TMEM232: variants seen among roughly 807,000 people sequenced by gnomAD.
TMEM232 encodes transmembrane protein 232.
TMEM232 carries 80 observed loss-of-function variants against 78.8 expected under a neutral mutation model. The observed-to-expected ratio is 1.01, with a 90% CI of 0.85 to 1.22. TMEM232 has a LOEUF of 1.22. Among genes scored for constraint, TMEM232 ranks in the 50% most tolerant of loss-of-function variants. The pLI is 0.00. For synonymous variants in TMEM232, 297 were observed against 254.3 expected (o/e 1.17, Z -1.60); for missense variants, 881 against 742.2 (o/e 1.19, Z -2.17).
At chr5:110,567,196 T>A (rs1347671749) in intron 11 of TMEM232, among the ~76,000 whole-genome samples, 3 of 151,884 alleles carry the variant, frequency 2.0e-5, no homozygotes, top group Non-Finnish European at 4.4e-5. Context: ...AGCCAAACCA[T>A]ATCATTTATC....
At chr5:110,466,494 T>G (rs1180364594) in intron 12 of TMEM232, among the ~76,000 whole-genome samples, 1 of 152,198 alleles carries the variant, frequency 6.6e-6, no homozygotes, top group Non-Finnish European at 1.5e-5. Flanking sequence ...TTTCCATGAG[T>G]TTATTTACTC....
intron 10 of TMEM232, among the ~76,000 whole-genome samples, chr5:110,592,667 A>T (rs190543874): frequency 6.6e-6 from 1 of 152,292 alleles, no homozygotes. Flanking sequence ...ATGAAAACAA[A>T]AACAAAAACA....
intron 1 of TMEM232, among the ~76,000 whole-genome samples, chr5:110,690,772 C>T (rs1794022206): frequency 6.6e-6 from 1 of 152,182 alleles, no homozygotes; most frequent in Non-Finnish European, 1.5e-5. Context: ...AGCACATATA[C>T]ACCATGGAAT....
At chr5:110,394,483 G>T (rs1755316464) in intron 3 of TMEM232, among the ~76,000 whole-genome samples, 1 of 152,086 alleles carries the variant, frequency 6.6e-6, no homozygotes, top group Non-Finnish European at 1.5e-5. Context: ...ATAGAATTCT[G>T]TTTTTAGTTT....
intron 2 of TMEM232, among the ~76,000 whole-genome samples, chr5:110,657,673 T>C (rs115246995): frequency 0.012 from 1,785 of 152,232 alleles, 45 homozygotes; most frequent in African/African-American, 0.04. Flanking sequence ...GTTTTCGTGT[T>C]CTATTACACA....
intron 11 of TMEM232, 48 bp from the exon 12 acceptor site, chr5:110,528,883 G>A: frequency 8.0e-7 from 1 of 1,257,342 alleles, no homozygotes; most frequent in Admixed American, 4.1e-5. Flanking sequence ...GATTAAATGG[G>A]AGAAAAAAAA....
chr5:110,446,640 A>C (rs1759678575), intron 12 of TMEM232, among the ~76,000 whole-genome samples: 2 of 152,140 alleles, frequency 1.3e-5, no homozygotes, highest in Non-Finnish European at 2.9e-5. Context: ...TAAACCACTA[A>C]GAATCCCTAA....
At chr5:110,438,519 G>A (rs573065461) in intron 12 of TMEM232, among the ~76,000 whole-genome samples, 3 of 151,838 alleles carry the variant, frequency 2.0e-5, no homozygotes, top group East Asian at 1.9e-4. Flanking sequence ...CTAATGTCAC[G>A]CTACTTTCTA....
chr5:110,618,830 C>T (rs1783270471), intron 7 of TMEM232, among the ~76,000 whole-genome samples: 1 of 152,100 alleles, frequency 6.6e-6, no homozygotes, highest in Non-Finnish European at 1.5e-5. Flanking sequence ...TTCTGGATCA[C>T]ATAAGGGATA....
chr5:110,704,589 G>C (rs1332384601), intron 1 of TMEM232, among the ~76,000 whole-genome samples: 1 of 151,858 alleles, frequency 6.6e-6, no homozygotes, highest in East Asian at 1.9e-4. Flanking sequence ...CTCTTACTAG[G>C]AAACCACTAA....
chr5:110,517,192 C>G (rs1487411869), intron 12 of TMEM232, among the ~76,000 whole-genome samples: 2 of 152,116 alleles, frequency 1.3e-5, no homozygotes, highest in Non-Finnish European at 2.9e-5. Flanking sequence ...TAAATTATGT[C>G]TTTGTATTTA....
At chr5:110,526,669 T>C (rs963667203) in intron 12 of TMEM232, among the ~76,000 whole-genome samples, 9 of 151,938 alleles carry the variant, frequency 5.9e-5, no homozygotes, top group African/African-American at 2.2e-4. Context: ...TACAAAGGCA[T>C]ATATACTTTG....
At chr5:110,458,459 G>C (rs1055804953) in intron 12 of TMEM232, among the ~76,000 whole-genome samples, 3 of 152,140 alleles carry the variant, frequency 2.0e-5, no homozygotes, top group Non-Finnish European at 2.9e-5. Context: ...CAGGAGTGCA[G>C]CCTGACACAA....
intron 1 of TMEM232, 21 bp from the exon 2 acceptor site, chr5:110,667,385 A>T (rs1790730362): frequency 1.4e-6 from 2 of 1,469,862 alleles, no homozygotes; most frequent in South Asian, 1.4e-5. Context: ...TATTAAATGT[A>T]TGTTAGCATA....
At chr5:110,539,906 T>A (rs1157938898) in intron 11 of TMEM232, among the ~76,000 whole-genome samples, 1 of 152,124 alleles carries the variant, frequency 6.6e-6, no homozygotes, top group East Asian at 1.9e-4. Context: ...CATATGTGGT[T>A]TGGGACCTCC....
chr5:110,610,353 A>G, intron 8 of TMEM232: 1 of 174,214 alleles, frequency 5.7e-6, no homozygotes, highest in Non-Finnish European at 1.2e-5. Flanking sequence ...CTAATAACAA[A>G]AAGTCCAAAA....
At chr5:110,726,768 G>A (rs1798196654), upstream of TMEM232, 2 of 152,194 alleles carry the variant, frequency 1.3e-5, no homozygotes, top group South Asian at 4.1e-4. Flanking sequence ...CACCTGCCCT[G>A]TCCCGTCTCC....
rs1214257052 is a variant in TMEM232 at position 110,420,760 on chromosome 5, T to G, written c.1798-4A>C. 1 of 1,509,974 alleles carries G rather than the reference T, an allele frequency of 6.6e-7. No homozygotes were observed. The allele number at this position is 1,509,974 out of a possible 1,614,324, so 93.5% of individuals were successfully genotyped here. A position where few individuals can be genotyped will look rare whatever the true frequency, so the allele number is the denominator to read the frequency against. On this transcript the variant is annotated splice_polypyrimidine_tract_variant and splice_region_variant and intron_variant, in intron 13 of 13. Transcript: ENST00000455884. ...GGATCTTTAGCTCTTCCTGCCACTGTTACAGAGAGAAAACGTCATTCACAT... is the reference window on the plus strand; with the variant it reads ...GGATCTTTAGCTCTTCCTGCCACTGGTACAGAGAGAAAACGTCATTCACAT...
chr5:110,696,697 C>A (rs1794823939), intron 1 of TMEM232, among the ~76,000 whole-genome samples: 1 of 152,128 alleles, frequency 6.6e-6, no homozygotes, highest in African/African-American at 2.4e-5. Flanking sequence ...CTCCCATTCA[C>A]AATTGCTTCA....
Sources: gnomAD v4.1 joint callset for allele counts (sites outside exome capture counted in the v4.1 genomes callset) on GRCh38, gnomAD v4.1.1 for gene constraint, MANE v1.5 for transcripts, NCBI Gene and HGNC (gene_info 2026-07-23, HGNC 2026-07-21) for gene names.